The following SP110 variants were observed in gnomAD, a reference collection of about 807,000 sequenced individuals.
SP110 encodes SP110 nuclear body protein, also known as interferon-induced protein 41, 30kD.
Under a neutral mutation model 92.7 loss-of-function variants are expected in SP110, and 62 were observed. The ratio of observed to expected loss-of-function variants is 0.67; its 90% CI spans 0.55 to 0.83. The LOEUF is 0.83. Ranked by LOEUF, SP110 falls within the 40% of genes least tolerant of loss-of-function variation. The probability of loss-of-function intolerance (pLI) is 0.00; values close to 1 mark genes in which losing one functional copy is unlikely to be tolerated. For synonymous variants in SP110, 273 were observed against 305.3 expected, an observed-to-expected ratio of 0.89 and a Z score of 1.10; for missense variants, 793 against 863.9, an observed-to-expected ratio of 0.92 and a Z score of 1.03.
chr2:230,212,309 A>T, intron 5 of SP110, 38 bp downstream of exon 5: 1 of 1,467,106 alleles, frequency 6.8e-7, no homozygotes, highest in African/African-American at 1.4e-5. Context: ...CTTCACAGTC[A>T]CCTTGAGCTA....
intron 6 of SP110, among the ~76,000 whole-genome samples, chr2:230,210,990 C>T (rs2044404514): frequency 6.6e-6 from 1 of 152,192 alleles, no homozygotes; most frequent in Non-Finnish European, 1.5e-5. Flanking sequence ...TAGGGCCACA[C>T]AGTGTTTTTG....
At chr2:230,225,371 C>T (rs183097487) in intron 1 of SP110, among the ~76,000 whole-genome samples, 139 of 152,338 alleles carry the variant, frequency 9.1e-4, no homozygotes, top group Non-Finnish European at 1.6e-3. Flanking sequence ...CATGTCCAAA[C>T]ACTGGGCCTA....
chr2:230,182,994 C>T (rs375216160), intron 12 of SP110, among the ~76,000 whole-genome samples: 1 of 152,078 alleles, frequency 6.6e-6, no homozygotes, highest in East Asian at 1.9e-4. Flanking sequence ...TGGGTAGCAC[C>T]TATTATACTT....
chr2:230,207,933 T>G (rs1050465168), intron 8 of SP110, 58 bp downstream of exon 8: 2 of 840,248 alleles, frequency 2.4e-6, no homozygotes, highest in African/African-American at 3.4e-5. Context: ...CAGCTTGACC[T>G]ACAAGCCCTG....
rs992098525 is a variant in SP110 at position 230,165,261 on chromosome 2, T to C, written c.*3863A>G. Among the ~76,000 whole-genome samples, 9 of 152,246 alleles carry C rather than the reference T, an allele frequency of 5.9e-5. No homozygotes were observed. Among genetic ancestry groups the C allele is most frequent in the African/African-American group, 2.2e-4 (9 of 41,462 alleles). ...GAAAACAATAGAACACATTCTAAGATATGGTGAATCAGAAAACATACCATC... is the reference window on the plus strand; with the variant it reads ...GAAAACAATAGAACACATTCTAAGACATGGTGAATCAGAAAACATACCATC... On this transcript the variant is annotated 3_prime_UTR_variant, in exon 19 of 19. Transcript: ENST00000258381.
chr2:230,187,247 T>C (rs897727211), intron 10 of SP110, among the ~76,000 whole-genome samples: 1 of 152,196 alleles, frequency 6.6e-6, no homozygotes, highest in African/African-American at 2.4e-5. Context: ...ATTTCCCTGA[T>C]GATTAGTGAT....
chr2:230,170,827 A>G (rs1169336652), intron 17 of SP110, 66 bp from the exon 18 acceptor site: 1 of 1,501,048 alleles, frequency 6.7e-7, no homozygotes, highest in African/African-American at 1.4e-5. Flanking sequence ...ATCCAACTTA[A>G]ATACAATCCA....
rs2045350852 is a variant in SP110 at position 230,217,518 on chromosome 2, T to C, written c.-1-590A>G. Among the ~76,000 whole-genome samples, 2 of 152,198 alleles carry C rather than the reference T, an allele frequency of 1.3e-5. 1 individual carries two copies. Among genetic ancestry groups the C allele is most frequent in the South Asian group, 4.1e-4 (2 of 4,828 alleles). The stretch of plus-strand genomic sequence containing the variant: ...AGGTATTAAAAGTAGCTAATATTTA[T>C]GGAGTGTTTCCTGTGTGCCAGACTT... On this transcript the variant is annotated intron_variant, in intron 1 of 18. Coordinates refer to ENST00000258381, the MANE Select transcript of SP110 (RefSeq NM_080424.4).
intron 3 of SP110, among the ~76,000 whole-genome samples, chr2:230,214,376 C>T (rs1175905600): frequency 6.6e-6 from 1 of 152,090 alleles, no homozygotes; most frequent in Admixed American, 6.5e-5. Context: ...AAATCTTGGG[C>T]CCTGGTATTG....
Position 230,177,408 on chromosome 2 carries a change from A to G in SP110, c.1590+130T>C, listed in dbSNP as rs41559116. 8.0e-4 allele frequency: 814 copies of G among 1,012,952 alleles called. 1 individual carries two copies. Among genetic ancestry groups the G allele is most frequent in the Non-Finnish European group, 1.0e-3 (662 of 647,202 alleles). 62.7% of individuals were successfully genotyped at this position (1,012,952 alleles called of 1,614,324 possible). ...CTTTGTCACCCACAGTTTTTTTTCT[A>G]TGAACATTTAACTCCTTATAAATCA... On this transcript the variant is annotated intron_variant, in intron 14 of 18. Coordinates refer to ENST00000258381, the MANE Select transcript of SP110 (RefSeq NM_080424.4).
chr2:230,201,117 C>T, intron 9 of SP110, 152 bp from the exon 10 acceptor site: 1 of 711,084 alleles, frequency 1.4e-6, no homozygotes, highest in Non-Finnish European at 2.5e-6. Context: ...AGATTTGGTG[C>T]TGCTCATGAC....
At chr2:230,181,232 T>C (rs2042113760) in intron 12 of SP110, among the ~76,000 whole-genome samples, 1 of 152,188 alleles carries the variant, frequency 6.6e-6, no homozygotes, top group Admixed American at 6.5e-5. Context: ...GATGAGGTAG[T>C]GAATTGAGGA....
At chr2:230,170,922 C>A (rs2078422713) in intron 17 of SP110, 161 bp from the exon 18 acceptor site, 1 of 706,916 alleles carries the variant, frequency 1.4e-6, no homozygotes. Flanking sequence ...AAACTAAATT[C>A]TAAGCCAAGT....
intron 12 of SP110, among the ~76,000 whole-genome samples, chr2:230,181,809 C>T (rs1477699794): frequency 6.6e-6 from 1 of 152,192 alleles, no homozygotes; most frequent in Admixed American, 6.5e-5. Context: ...ACAACAGATG[C>T]TGGCAAGGCT....
intron 14 of SP110, among the ~76,000 whole-genome samples, chr2:230,175,653 C>T (rs906505785): frequency 5.9e-5 from 9 of 152,146 alleles, no homozygotes; most frequent in Non-Finnish European, 7.4e-5. Context: ...TCACAACTAA[C>T]GGGAAGCTCA....
upstream of SP110, among the ~76,000 whole-genome samples, chr2:230,224,101 T>A (rs1344074848): frequency 6.6e-6 from 1 of 152,234 alleles, no homozygotes; most frequent in Non-Finnish European, 1.5e-5. Flanking sequence ...AGGCTATCCT[T>A]ACCTGGGCTA....
Position 230,177,596 on chromosome 2 carries a change from GC to G in SP110, c.1531del (p.Ala511GlnfsTer13). ...EFEVEGKGRN[A>X]KNWKRNIRCE... is the part of the protein sequence containing the mutation. ...ACGTATATTCCGTTTCCAGTTCTTT[GC>G]GTTCCTTCCTTTTCCTTCGACTTCA... On this transcript the variant is annotated frameshift_variant, in exon 14 of 19. Transcript: ENST00000258381. LOFTEE classifies it high-confidence loss of function. 1 of 1,613,954 alleles carries G rather than the reference GC, an allele frequency of 6.2e-7. No individual in the cohort carries two copies. The highest frequency in any genetic ancestry group is 8.5e-7 in the Non-Finnish European group (1 of 1,179,864).
chr2:230,174,879 G>A (rs2041781623), intron 14 of SP110, among the ~76,000 whole-genome samples: 1 of 152,228 alleles, frequency 6.6e-6, no homozygotes, highest in African/African-American at 2.4e-5. Context: ...CTCATTCTCA[G>A]TCGGGTAAAC....
intron 8 of SP110, among the ~76,000 whole-genome samples, chr2:230,205,830 T>C (rs1051479714): frequency 6.6e-6 from 1 of 152,172 alleles, no homozygotes; most frequent in African/African-American, 2.4e-5. Context: ...GTTGAAGACG[T>C]AGAGTTGGGA....
Sources: gnomAD v4.1 joint callset for allele counts (sites outside exome capture counted in the v4.1 genomes callset) on GRCh38, gnomAD v4.1.1 for gene constraint, MANE v1.5 for transcripts, NCBI Gene and HGNC (gene_info 2026-07-23, HGNC 2026-07-21) for gene names.